Variants in GLIS3 observed in about 807,000 individuals in gnomAD.
The protein encoded by GLIS3 is GLIS family zinc finger 3.
Under a neutral mutation model 78.6 loss-of-function variants are expected in GLIS3, and 53 were observed. That is an observed-to-expected ratio of 0.67 (90% confidence interval 0.54 to 0.85). The LOEUF (loss-of-function observed/expected upper bound fraction) is 0.85, where lower values mean the gene tolerates loss of function less well. GLIS3 is among the 40% of genes least tolerant of loss of function. The pLI is 0.00. For missense variants in GLIS3, 1,703 were observed against 1,231.1 expected (o/e 1.38, Z -5.74); for synonymous variants, 684 against 509.9 (o/e 1.34, Z -4.60).
At chr9:4,120,629 C>T (rs769528864) in intron 3 of GLIS3, among the ~76,000 whole-genome samples, 1 of 152,202 alleles carries the variant, frequency 6.6e-6, no homozygotes, top group Non-Finnish European at 1.5e-5. Context: ...CGGACCCAAA[C>T]TAAATTAGTA....
intron 2 of GLIS3, among the ~76,000 whole-genome samples, chr9:4,210,410 C>G (rs1234921064): frequency 2.0e-5 from 3 of 152,166 alleles, no homozygotes; most frequent in African/African-American, 7.2e-5. Flanking sequence ...TCTGCATTAT[C>G]TGGGAAAGCA....
chr9:3,883,196 A>T (rs117353505), intron 7 of GLIS3, among the ~76,000 whole-genome samples: 230 of 152,352 alleles, frequency 1.5e-3, no homozygotes, highest in Middle Eastern at 6.8e-3. Flanking sequence ...TCTTTTACTT[A>T]TCCTGATTTC....
intron 1 of GLIS3, among the ~76,000 whole-genome samples, chr9:4,295,164 A>G (rs1398706974): frequency 6.6e-6 from 1 of 152,184 alleles, no homozygotes; most frequent in African/African-American, 2.4e-5. Flanking sequence ...ACAGTTCAAT[A>G]CTGAAACCAG....
chr9:4,338,092 G>C (rs1465132100), intron 2 of GLIS3, among the ~76,000 whole-genome samples: 2 of 151,080 alleles, frequency 1.3e-5, no homozygotes, highest in East Asian at 2.0e-4. Context: ...AACTGTATTT[G>C]TCCATAGCAT....
At chr9:4,439,402 C>T in the GLIS3 span, among the ~76,000 whole-genome samples, 1 of 152,126 alleles carries the variant, frequency 6.6e-6, no homozygotes, top group Admixed American at 6.6e-5. Context: ...GCAGTAATTT[C>T]CCCATTTCTC....
At chr9:3,941,721 A>AC (rs1815935211) in intron 4 of GLIS3, among the ~76,000 whole-genome samples, 1 of 152,210 alleles carries the variant, frequency 6.6e-6, no homozygotes, top group African/African-American at 2.4e-5. Flanking sequence ...AAAATACTGC[A>AC]CTGCATGAAG....
chr9:4,389,664 T>C, the GLIS3 span, among the ~76,000 whole-genome samples: 10 of 152,064 alleles, frequency 6.6e-5, no homozygotes, highest in African/African-American at 2.4e-4. Flanking sequence ...GACAATCACA[T>C]CACGTCAAGC....
chr9:4,175,308 G>A (rs1011333063), intron 2 of GLIS3, among the ~76,000 whole-genome samples: 4 of 152,174 alleles, frequency 2.6e-5, no homozygotes, highest in African/African-American at 2.4e-5. Flanking sequence ...TTTCTGAAAG[G>A]ACAAAGAAGG....
chr9:4,410,273 G>A, the GLIS3 span, among the ~76,000 whole-genome samples: 10 of 151,854 alleles, frequency 6.6e-5, no homozygotes, highest in Non-Finnish European at 8.8e-5. Flanking sequence ...CACCACACCC[G>A]GCCCTGAAAA....
At chr9:3,860,895 C>T (rs1380992123) in intron 8 of GLIS3, among the ~76,000 whole-genome samples, 4 of 152,088 alleles carry the variant, frequency 2.6e-5, no homozygotes, top group African/African-American at 4.8e-5. Flanking sequence ...CTTTGTGGAA[C>T]GTATATTTTA....
At chr9:4,255,271 A>T (rs1028188477) in intron 2 of GLIS3, among the ~76,000 whole-genome samples, 1 of 152,256 alleles carries the variant, frequency 6.6e-6, no homozygotes, top group African/African-American at 2.4e-5. Context: ...TGGGTATGCA[A>T]AATGGTACAG....
intron 4 of GLIS3, among the ~76,000 whole-genome samples, chr9:4,306,986 C>T (rs577510309): frequency 4.6e-5 from 7 of 152,314 alleles, no homozygotes; most frequent in Admixed American, 3.9e-4. Flanking sequence ...CTTTCTTTTT[C>T]CTTCCAGCAA....
rs993280547 is a variant in GLIS3, at chr9:3,825,851, C to G, written c.*2421G>C. The G allele has an allele frequency of 4.6e-5, 7 of 152,264 alleles. No individual in the cohort carries two copies. The highest frequency in any genetic ancestry group is 2.9e-5 in the Non-Finnish European group (2 of 68,110). 9.4% of individuals were successfully genotyped at this position (152,264 alleles called of 1,614,324 possible). ...CACTGGGTCCTGTGGCCAGCATGCT[C>G]TCTCTGAGATAAAATGTCCCTCTGG... On this transcript the variant is annotated 3_prime_UTR_variant, in exon 11 of 11. Coordinates refer to ENST00000381971, the MANE Select transcript of GLIS3 (RefSeq NM_001042413.2).
At chr9:4,324,110 T>G (rs1351636158) in intron 2 of GLIS3, among the ~76,000 whole-genome samples, 1 of 152,318 alleles carries the variant, frequency 6.6e-6, no homozygotes, top group Admixed American at 6.5e-5. Flanking sequence ...CCTATGTAAC[T>G]CCTGCACACA....
chr9:4,137,464 A>G (rs1456005592), intron 2 of GLIS3, among the ~76,000 whole-genome samples: 3 of 152,178 alleles, frequency 2.0e-5, no homozygotes, highest in Non-Finnish European at 4.4e-5. Context: ...CCTGTATTAA[A>G]TGGAATCACA....
At chr9:4,162,877 AAAAATC>A (rs1427775142) in intron 2 of GLIS3, among the ~76,000 whole-genome samples, 1 of 150,172 alleles carries the variant, frequency 6.7e-6, no homozygotes, top group African/African-American at 2.5e-5. Context: ...AAAAAAAAAA[AAAAATC>A]AATCGCCAAC....
At chr9:4,283,261 G>T (rs1163434477) in intron 2 of GLIS3, among the ~76,000 whole-genome samples, 30 of 76,416 alleles carry the variant, frequency 3.9e-4, no homozygotes, top group East Asian at 1.3e-3. Flanking sequence ...CTGTTTTTTT[G>T]TTTTTTTGTT....
rs1587323038 is a variant in GLIS3 at position 4,289,234 on chromosome 9, T to C, written c.-98-2711A>G. On this transcript the variant is annotated intron_variant, in intron 1 of 10. Coordinates refer to ENST00000381971, the MANE Select transcript of GLIS3 (RefSeq NM_001042413.2). Reference sequence around the variant, plus strand: ...AGTTCAGGAATTTGGATCTATTCATTACGGCCTCTTGAAATTCTGTAACTC... The same window carrying C: ...AGTTCAGGAATTTGGATCTATTCATCACGGCCTCTTGAAATTCTGTAACTC... Among the ~76,000 whole-genome samples the C allele has an allele frequency of 2.0e-5, 3 of 152,192 alleles. No homozygotes were observed. In the South Asian group the frequency reaches 6.2e-4, roughly 32 times the overall value.
At chr9:4,208,778 A>G (rs910737220) in intron 2 of GLIS3, among the ~76,000 whole-genome samples, 11 of 152,184 alleles carry the variant, frequency 7.2e-5, no homozygotes, top group African/African-American at 2.7e-4. Context: ...CACCCTCTAA[A>G]TGCCTGGAGA....
Sources: gnomAD v4.1 joint callset for allele counts (sites outside exome capture counted in the v4.1 genomes callset) on GRCh38, gnomAD v4.1.1 for gene constraint, MANE v1.5 for transcripts, NCBI Gene and HGNC (gene_info 2026-07-23, HGNC 2026-07-21) for gene names.